DIS3L2: variants seen among roughly 807,000 people sequenced by gnomAD.
DIS3L2 encodes the protein DIS3 like 3'-5' exoribonuclease 2.
Under a neutral mutation model 97.5 loss-of-function variants are expected in DIS3L2, and 34 were observed. That is an observed-to-expected ratio of 0.35 (90% CI 0.27 to 0.46). The LOEUF (loss-of-function observed/expected upper bound fraction) is 0.46, where lower values mean the gene tolerates loss of function less well. DIS3L2 is among the 20% of genes least tolerant of loss of function. The probability of loss-of-function intolerance (pLI) is 1.00; values close to 1 mark genes in which losing one functional copy is unlikely to be tolerated. For synonymous variants in DIS3L2, 435 were observed against 445.2 expected, an observed-to-expected ratio of 0.98 and a Z score of 0.29; for missense variants, 1,038 against 1,146.0, an observed-to-expected ratio of 0.91 and a Z score of 1.36.
intron 5 of DIS3L2, among the ~76,000 whole-genome samples, chr2:232,064,141 T>A (rs1452967542): frequency 6.6e-6 from 1 of 152,174 alleles, no homozygotes; most frequent in Non-Finnish European, 1.5e-5. Context: ...GTTCTATGAA[T>A]TAAAATCTTG....
chr2:232,262,526 G>T (rs1382611507), intron 12 of DIS3L2, among the ~76,000 whole-genome samples: 2 of 152,196 alleles, frequency 1.3e-5, no homozygotes, highest in African/African-American at 4.8e-5. Context: ...AGACATTTTT[G>T]ATTATCAACT....
intron 10 of DIS3L2, among the ~76,000 whole-genome samples, chr2:232,221,842 G>C (rs977628338): frequency 6.6e-6 from 1 of 152,244 alleles, no homozygotes; most frequent in South Asian, 2.1e-4. Flanking sequence ...GCAATTTTCT[G>C]CTTGGATACA....
chr2:232,081,370 A>T (rs7569530), intron 5 of DIS3L2, among the ~76,000 whole-genome samples: 19,102 of 152,152 alleles, frequency 0.13, 2,874 homozygotes, highest in African/African-American at 0.36. Flanking sequence ...TAAAACGTTC[A>T]TACGTTATAA....
intron 3 of DIS3L2, among the ~76,000 whole-genome samples, chr2:232,018,636 T>A (rs1438239068): frequency 6.6e-6 from 1 of 152,208 alleles, no homozygotes; most frequent in African/African-American, 2.4e-5. Flanking sequence ...GTATTCAAAC[T>A]CATCTCTTTT....
intron 13 of DIS3L2, among the ~76,000 whole-genome samples, chr2:232,294,107 A>G (rs6746834): frequency 0.31 from 47,860 of 152,036 alleles, 8,733 homozygotes; most frequent in East Asian, 0.5. Context: ...TCTGGCCCGC[A>G]TGACCAGAAG....
At chr2:232,127,161 CTGTT>C (rs766678602) in intron 6 of DIS3L2, among the ~76,000 whole-genome samples, 1 of 152,164 alleles carries the variant, frequency 6.6e-6, no homozygotes, top group African/African-American at 2.4e-5. Context: ...AGCATATAAA[CTGTT>C]TGTAAAGCTA....
At chr2:232,025,673 G>A (rs1300576825) in intron 4 of DIS3L2, among the ~76,000 whole-genome samples, 3 of 152,174 alleles carry the variant, frequency 2.0e-5, no homozygotes, top group Non-Finnish European at 4.4e-5. Flanking sequence ...ACATGTACGA[G>A]AAGTGCAGTT....
At chr2:232,311,015 A>T (rs1410657523) in intron 14 of DIS3L2, among the ~76,000 whole-genome samples, 1 of 152,246 alleles carries the variant, frequency 6.6e-6, no homozygotes. Flanking sequence ...ACAGAGTCTG[A>T]AGTCATATTT....
At chr2:232,237,741 G>A (rs990071698) in intron 10 of DIS3L2, among the ~76,000 whole-genome samples, 13 of 151,842 alleles carry the variant, frequency 8.6e-5, no homozygotes, top group African/African-American at 7.3e-5. Context: ...TGGTGGGAGG[G>A]GGGTAGAGGA....
intron 13 of DIS3L2, among the ~76,000 whole-genome samples, chr2:232,270,805 CA>C (rs1387791233): frequency 6.6e-6 from 1 of 152,078 alleles, no homozygotes; most frequent in East Asian, 1.9e-4. Flanking sequence ...AAACATCTGT[CA>C]GGAGTTCTCT....
chr2:232,216,437 C>T (rs1196080508), intron 10 of DIS3L2, among the ~76,000 whole-genome samples: 4 of 152,184 alleles, frequency 2.6e-5, no homozygotes, highest in Admixed American at 6.5e-5. Flanking sequence ...ACAACCTTTG[C>T]ACTTGGTGTC....
At chr2:232,046,315 C>A (rs1164567409) in intron 5 of DIS3L2, among the ~76,000 whole-genome samples, 1 of 152,090 alleles carries the variant, frequency 6.6e-6, no homozygotes, top group Non-Finnish European at 1.5e-5. Context: ...TATTGCCACT[C>A]AAAGTGTGGT....
chr2:232,087,039 GT>G (rs925467268), intron 5 of DIS3L2, among the ~76,000 whole-genome samples: 1 of 151,604 alleles, frequency 6.6e-6, no homozygotes, highest in Admixed American at 6.6e-5. Context: ...ACTTAATTTT[GT>G]TTTTTTTCCA....
intron 1 of DIS3L2, among the ~76,000 whole-genome samples, chr2:232,004,179 T>G (rs907978678): frequency 6.6e-6 from 1 of 152,072 alleles, no homozygotes; most frequent in Non-Finnish European, 1.5e-5. Flanking sequence ...TTCAAGCAAT[T>G]CTCATGCCTC....
At chr2:232,148,686 G>C (rs1313856766) in intron 8 of DIS3L2, among the ~76,000 whole-genome samples, 1 of 144,808 alleles carries the variant, frequency 6.9e-6, no homozygotes, top group Non-Finnish European at 1.5e-5. Context: ...GTAAAACATT[G>C]TGTCAGAACT....
At chr2:232,098,018 TG>T (rs140589994) in intron 6 of DIS3L2, among the ~76,000 whole-genome samples, 1,709 of 152,280 alleles carry the variant, frequency 0.011, 19 homozygotes, top group Non-Finnish European at 0.016. Flanking sequence ...AGGTTCTCTT[TG>T]GGCGTAGGGT....
At chr2:232,196,740 A>G (rs1026416574) in intron 9 of DIS3L2, among the ~76,000 whole-genome samples, 1 of 151,380 alleles carries the variant, frequency 6.6e-6, no homozygotes, top group Non-Finnish European at 1.5e-5. Context: ...GTAGAAGAAC[A>G]AATGTAGGTA....
At chr2:232,071,902 A>G (rs561805183) in intron 5 of DIS3L2, among the ~76,000 whole-genome samples, 8 of 152,280 alleles carry the variant, frequency 5.3e-5, no homozygotes, top group African/African-American at 1.9e-4. Context: ...GGATAATCAG[A>G]ATTTTTATTT....
intron 10 of DIS3L2, among the ~76,000 whole-genome samples, chr2:232,234,497 G>A (rs553271443): frequency 1.3e-5 from 2 of 152,304 alleles, no homozygotes; most frequent in African/African-American, 4.8e-5. Context: ...CTACAGGCAT[G>A]CGCCACCACA....
Sources: gnomAD v4.1 joint callset for allele counts (sites outside exome capture counted in the v4.1 genomes callset) on GRCh38, gnomAD v4.1.1 for gene constraint, MANE v1.5 for transcripts, NCBI Gene and HGNC (gene_info 2026-07-23, HGNC 2026-07-21) for gene names.